CRHR2: variants seen among roughly 807,000 people sequenced by gnomAD.
CRHR2 encodes corticotropin-releasing hormone receptor 2.
Under a neutral mutation model 57.9 loss-of-function variants are expected in CRHR2, and 53 were observed. That is an observed-to-expected ratio of 0.92 (90% CI 0.73 to 1.15). The LOEUF is 1.15. Ranked by LOEUF, CRHR2 falls within the 50% of genes most tolerant of loss-of-function variation. The pLI, the probability that CRHR2 is intolerant of heterozygous loss-of-function variation, is 0.00. For synonymous variants in CRHR2, 213 were observed against 220.9 expected (o/e 0.96, Z 0.32); for missense variants, 532 against 542.6 (o/e 0.98, Z 0.19).
intron 3 of CRHR2, 100 bp downstream of exon 3, chr7:30,667,128 G>T: frequency 2.9e-6 from 3 of 1,035,350 alleles, no homozygotes; most frequent in South Asian, 1.4e-5. Context: ...GTGACTGGGT[G>T]ACAAAAGGAC....
upstream of CRHR2, among the ~76,000 whole-genome samples, chr7:30,686,827 G>T (rs1017150302): frequency 7.2e-5 from 11 of 152,264 alleles, no homozygotes; most frequent in African/African-American, 2.6e-4. Context: ...TTTTTCAGGG[G>T]CATACAATTG....
intron 10 of CRHR2, 83 bp from the exon 11 acceptor site, chr7:30,655,163 T>TG (rs1783733242): frequency 2.6e-6 from 3 of 1,156,252 alleles, no homozygotes; most frequent in African/African-American, 1.6e-5. Context: ...GGGGACAAGA[T>TG]GGTGGGGGGG....
At chr7:30,682,639 T>G (rs1374427647), upstream of CRHR2, 2 of 467,534 alleles carry the variant, frequency 4.3e-6, no homozygotes, top group Non-Finnish European at 5.8e-6. Flanking sequence ...TCTCTTCCAC[T>G]CGCGGCGTCC....
chr7:30,672,326 GC>G (rs1417867760), intron 2 of CRHR2, among the ~76,000 whole-genome samples: 3 of 152,232 alleles, frequency 2.0e-5, no homozygotes, highest in African/African-American at 7.2e-5. Flanking sequence ...TTCCTAACCA[GC>G]CCAGGTTCTC....
chr7:30,666,285 A>C (rs1036400999), intron 3 of CRHR2, among the ~76,000 whole-genome samples: 9 of 152,058 alleles, frequency 5.9e-5, no homozygotes, highest in East Asian at 3.9e-4. Flanking sequence ...TGCCCTGGAG[A>C]CCACACGAGG....
Position 30,666,126 on chromosome 7 carries a change from C to T in CRHR2, c.316-487G>A, listed in dbSNP as rs184445694. ...GCTTCTCCTGAGTTTAGTCTCAGCCCGGATCCCAGCTGGCTGAGTGACTGA... is the reference window on the plus strand; with the variant it reads ...GCTTCTCCTGAGTTTAGTCTCAGCCTGGATCCCAGCTGGCTGAGTGACTGA... On this transcript the variant is annotated intron_variant, in intron 3 of 11. Transcript: ENST00000471646. Among the ~76,000 whole-genome samples, 805 of 152,218 alleles carry T rather than the reference C, an allele frequency of 5.3e-3. 4 individuals are homozygous for T. The highest frequency in any genetic ancestry group is 7.8e-3 in the Admixed American group (119 of 15,298).
rs1431013294 is a variant in CRHR2, at chr7:30,665,640, CTGGACAGACAGACA to C, written c.316-15_316-2del. 6.4e-7 allele frequency: 1 copy of C among 1,555,110 alleles called. No homozygotes were observed. Among genetic ancestry groups the C allele is most frequent in the Admixed American group, 1.9e-5 (1 of 51,648 alleles). ...GGTAGTGCAGGTCATACTTCCTCTG[CTGGACAGACAGACA>C]TGGGCAGGGCAGATGGAGGCATGGG... On this transcript the variant is annotated splice_acceptor_variant and splice_polypyrimidine_tract_variant and intron_variant, in intron 3 of 11. Coordinates refer to ENST00000471646, the MANE Select transcript of CRHR2 (RefSeq NM_001883.5). LOFTEE classifies it high-confidence loss of function. The surrounding 1 kb of genome is among the most constrained non-coding windows in gnomAD (Gnocchi z 4.5).
Position 30,667,294 on chromosome 7 carries a change from G to A in CRHR2, c.249C>T (p.Cys83=). The part of the protein sequence containing the change: ...YNTTRNAYRE[C]LENGTWASKI... ...TTGAGGCCCACGTCCCATTCTCCAA[G>A]CATTCTCGATAGGCATTCCCTACAA... Residue 83 remains cysteine (C), a synonymous_variant, in exon 3 of 12, where the codon TGC becomes TGT. Coordinates refer to ENST00000471646, the MANE Select transcript of CRHR2 (RefSeq NM_001883.5). The A allele has an allele frequency of 6.2e-7, 1 of 1,614,154 alleles. No homozygotes were observed.
intron 1 of CRHR2, chr7:30,698,107 C>T (rs559053792): frequency 2.6e-5 from 4 of 152,356 alleles, no homozygotes; most frequent in Admixed American, 1.3e-4. Context: ...CAGGTCTCAT[C>T]GTCTCAGGAC....
chr7:30,658,025 C>T (rs905786363), intron 8 of CRHR2, among the ~76,000 whole-genome samples: 10 of 152,226 alleles, frequency 6.6e-5, no homozygotes, highest in Admixed American at 6.5e-4. Flanking sequence ...TTGTCTCCAT[C>T]CTTACACTTG....
chr7:30,681,488 A>T (rs1289561922), intron 2 of CRHR2, among the ~76,000 whole-genome samples: 1 of 151,980 alleles, frequency 6.6e-6, no homozygotes, highest in Admixed American at 6.6e-5. Context: ...TGGTCACTGC[A>T]CTCACTCTGG....
intron 1 of CRHR2, among the ~76,000 whole-genome samples, chr7:30,691,444 A>G (rs1237817971): frequency 2.0e-5 from 3 of 152,072 alleles, no homozygotes; most frequent in East Asian, 1.9e-4. Flanking sequence ...GTTTGACTTT[A>G]CCGGGGTTTC....
upstream of CRHR2, chr7:30,682,535 G>A: frequency 8.1e-7 from 1 of 1,237,766 alleles, no homozygotes; most frequent in Non-Finnish European, 1.0e-6. Flanking sequence ...TGGCTGCGCC[G>A]GGGGGCGGGG....
At chr7:30,686,348 C>A, upstream of CRHR2, 1 of 1,501,376 alleles carries the variant, frequency 6.7e-7, no homozygotes, top group South Asian at 1.3e-5. Flanking sequence ...TTGGAATGCT[C>A]TAGACTTCAG....
At chr7:30,698,446 C>G (rs1584149807) in intron 1 of CRHR2, among the ~76,000 whole-genome samples, 1 of 152,186 alleles carries the variant, frequency 6.6e-6, no homozygotes, top group African/African-American at 2.4e-5. Flanking sequence ...TGCCCCAACA[C>G]TTGGATCTCC....
intron 1 of CRHR2, among the ~76,000 whole-genome samples, chr7:30,699,246 C>T (rs1785118596): frequency 6.6e-6 from 1 of 152,202 alleles, no homozygotes; most frequent in Admixed American, 6.5e-5. Flanking sequence ...CGCTCTGTGT[C>T]CCTTCTCCCC....
At chr7:30,660,221 G>A (rs1783941777) in intron 8 of CRHR2, among the ~76,000 whole-genome samples, 1 of 152,196 alleles carries the variant, frequency 6.6e-6, no homozygotes, top group African/African-American at 2.4e-5. Context: ...ATGAACAGAA[G>A]CCCGCACACT....
chr7:30,681,536 G>T (rs1784705143), intron 2 of CRHR2, among the ~76,000 whole-genome samples: 1 of 152,200 alleles, frequency 6.6e-6, no homozygotes, highest in South Asian at 2.1e-4. Context: ...TCCTGGGATA[G>T]GTCCCCCTCC....
chr7:30,687,746 G>A (rs1451022151), intron 2 of CRHR2, among the ~76,000 whole-genome samples: 5 of 152,206 alleles, frequency 3.3e-5, no homozygotes, highest in African/African-American at 1.2e-4. Flanking sequence ...GGAAGGGTCT[G>A]TGCCACCTGC....
Sources: allele counts gnomAD v4.1 joint callset (sites outside exome capture counted in the v4.1 genomes callset), GRCh38; gene constraint gnomAD v4.1.1; non-coding constraint Gnocchi (gnomAD v3.1); transcripts MANE v1.5; gene names NCBI Gene and HGNC (gene_info 2026-07-23, HGNC 2026-07-21).